The following RPS6KC1 variants were observed in gnomAD, a reference collection of about 807,000 sequenced individuals.
RPS6KC1 encodes the protein ribosomal protein S6 kinase C1.
In RPS6KC1, 54 loss-of-function variants were observed where a neutral mutation model predicts 103.8. The observed-to-expected ratio is 0.52, with a 90% CI of 0.42 to 0.65. The LOEUF is 0.65. RPS6KC1 is among the 30% of genes least tolerant of loss of function. The pLI is 0.00. For synonymous variants in RPS6KC1, 439 were observed against 438.7 expected (o/e 1.00, Z -0.01); for missense variants, 1,151 against 1,253.8 (o/e 0.92, Z 1.24).
At chr1:213,611,069 A>T in the RPS6KC1 span, among the ~76,000 whole-genome samples, 1 of 152,196 alleles carries the variant, frequency 6.6e-6, no homozygotes, top group Non-Finnish European at 1.5e-5. Flanking sequence ...ATGCTTCCCA[A>T]CAATATTGCA....
chr1:213,257,229 G>A (rs1362844343), intron 12 of RPS6KC1, among the ~76,000 whole-genome samples: 1 of 152,144 alleles, frequency 6.6e-6, no homozygotes, highest in African/African-American at 2.4e-5. Flanking sequence ...ATAACATGTA[G>A]CTTTTGAGGA....
intron 2 of RPS6KC1, 26 bp from the exon 3 acceptor site, chr1:213,077,670 T>C: frequency 7.4e-7 from 1 of 1,347,656 alleles, no homozygotes; most frequent in Non-Finnish European, 1.0e-6. Context: ...GGTTATGAGA[T>C]ACATGTTTAA....
the RPS6KC1 span, among the ~76,000 whole-genome samples, chr1:213,566,437 G>GTTTTTTTTTTTTTTTTTTTTTT: frequency 1.6e-4 from 8 of 48,522 alleles, no homozygotes; most frequent in Non-Finnish European, 1.8e-4. Flanking sequence ...TCAGCCTTTA[G>GTTTTTTTTTTTTTTTTTTTTTT]TTTTTTTTTT....
the RPS6KC1 span, among the ~76,000 whole-genome samples, chr1:213,373,184 A>G: frequency 6.6e-6 from 1 of 152,222 alleles, no homozygotes; most frequent in African/African-American, 2.4e-5. Context: ...GCCCATTTTT[A>G]CAGATGGAAA....
chr1:213,165,247 AC>A (rs929147910), intron 6 of RPS6KC1, among the ~76,000 whole-genome samples: 1 of 151,930 alleles, frequency 6.6e-6, no homozygotes, highest in African/African-American at 2.4e-5. Context: ...GTATAAGGTT[AC>A]TTTTTTGAGT....
At chr1:213,531,147 G>A in the RPS6KC1 span, among the ~76,000 whole-genome samples, 3 of 152,140 alleles carry the variant, frequency 2.0e-5, no homozygotes, top group African/African-American at 7.2e-5. Flanking sequence ...AGATCGAAGG[G>A]TGCCTTTTAG....
intron 1 of RPS6KC1, among the ~76,000 whole-genome samples, chr1:213,066,034 G>A (rs1199106485): frequency 1.3e-5 from 2 of 152,140 alleles, no homozygotes; most frequent in Admixed American, 1.3e-4. Context: ...AGCTACTCCT[G>A]CCTAACTCAT....
At chr1:213,277,354 A>G (rs1250827418), downstream of RPS6KC1, among the ~76,000 whole-genome samples, 1 of 152,190 alleles carries the variant, frequency 6.6e-6, no homozygotes, top group East Asian at 1.9e-4. Flanking sequence ...GGTCCCTATC[A>G]CATGATTTGC....
intron 3 of RPS6KC1, among the ~76,000 whole-genome samples, chr1:213,091,490 A>G (rs185701519): frequency 2.8e-4 from 42 of 152,294 alleles, no homozygotes; most frequent in Admixed American, 1.2e-3. Flanking sequence ...AACCTTTTGT[A>G]CTTTGTTACA....
At chr1:213,105,221 T>G (rs944003888) in intron 4 of RPS6KC1, among the ~76,000 whole-genome samples, 33 of 151,600 alleles carry the variant, frequency 2.2e-4, no homozygotes, top group African/African-American at 7.7e-4. Flanking sequence ...TTTAAGTTTT[T>G]TTTTTTTTTT....
intron 6 of RPS6KC1, among the ~76,000 whole-genome samples, chr1:213,131,203 C>CT (rs1558382891): frequency 6.6e-6 from 1 of 151,934 alleles, no homozygotes; most frequent in African/African-American, 2.4e-5. Flanking sequence ...AGTCTTGTTT[C>CT]TTTTTTCATT....
At chr1:213,214,171 C>T (rs2093594807) in intron 8 of RPS6KC1, among the ~76,000 whole-genome samples, 1 of 152,256 alleles carries the variant, frequency 6.6e-6, no homozygotes, top group African/African-American at 2.4e-5. Flanking sequence ...TTGGGTCATT[C>T]CCACCCTAAT....
chr1:213,454,623 G>A, the RPS6KC1 span, among the ~76,000 whole-genome samples: 3 of 152,154 alleles, frequency 2.0e-5, no homozygotes, highest in East Asian at 1.9e-4. Context: ...CTTTTTTGGT[G>A]TGTGTGTGTA....
chr1:213,259,734 A>ATTTTTTTTTTTTTTTTTTTTTTTTGTT (rs71147063), intron 12 of RPS6KC1, among the ~76,000 whole-genome samples: 1 of 97,918 alleles, frequency 1.0e-5, no homozygotes, highest in Non-Finnish European at 1.9e-5. Context: ...TGTTTTTTTA[A>ATTTTTTTTTTTTTTTTTTTTTTTTGTT]TTTTTTTTTT....
chr1:213,515,895 T>G, the RPS6KC1 span, among the ~76,000 whole-genome samples: 1 of 152,144 alleles, frequency 6.6e-6, no homozygotes, highest in Non-Finnish European at 1.5e-5. Flanking sequence ...TTGTATCCTC[T>G]TTTATTTCAT....
At chr1:213,790,847 C>G in the RPS6KC1 span, among the ~76,000 whole-genome samples, 1 of 152,126 alleles carries the variant, frequency 6.6e-6, no homozygotes, top group African/African-American at 2.4e-5. Flanking sequence ...AACTGACAAA[C>G]CTGAGGAGTA....
the RPS6KC1 span, among the ~76,000 whole-genome samples, chr1:213,489,318 G>C: frequency 6.6e-6 from 1 of 152,192 alleles, no homozygotes; most frequent in East Asian, 1.9e-4. Flanking sequence ...GGGCCCAGGT[G>C]GGCTGGATGG....
chr1:213,784,129 C>A, the RPS6KC1 span, among the ~76,000 whole-genome samples: 1 of 152,224 alleles, frequency 6.6e-6, no homozygotes, highest in Admixed American at 6.5e-5. Context: ...GACTTTCTAA[C>A]ACTTTGAGCA....
At chr1:213,720,481 G>A in the RPS6KC1 span, among the ~76,000 whole-genome samples, 37 of 152,290 alleles carry the variant, frequency 2.4e-4, no homozygotes, top group African/African-American at 8.7e-4. Context: ...ATTCATTCAT[G>A]TGCTGTCCAG....
Sources: allele counts gnomAD v4.1 joint callset (sites outside exome capture counted in the v4.1 genomes callset), GRCh38; gene constraint gnomAD v4.1.1; transcripts MANE v1.5; gene names NCBI Gene and HGNC (gene_info 2026-07-23, HGNC 2026-07-21).